Variants in SSRP1 observed in about 807,000 individuals in gnomAD.
The protein encoded by SSRP1 is structure specific recognition protein 1.
A neutral mutation model predicts 84.4 loss-of-function variants in SSRP1; 21 were observed. The observed-to-expected ratio is 0.25, with a 90% CI of 0.18 to 0.36. SSRP1 has a LOEUF of 0.36. Ranked by LOEUF, SSRP1 falls within the 10% of genes least tolerant of loss-of-function variation. The pLI is 1.00. For missense variants in SSRP1, 519 were observed against 900.8 expected (o/e 0.58, Z 5.43); for synonymous variants, 319 against 318.3 (o/e 1.00, Z -0.02).
chr11:57,326,649 G>A, intron 16 of SSRP1, 54 bp downstream of exon 16: 2 of 1,592,936 alleles, frequency 1.3e-6, no homozygotes, highest in Non-Finnish European at 1.7e-6. Context: ...ACCCCACACA[G>A]ACACACATGC....
In SSRP1 at chr11:57,326,467, T is replaced by C. The variant is rs12270967; in HGVS notation, c.2070A>G (p.Glu690=). Residue 690 remains glutamate (E), a synonymous_variant, in exon 17 of 17, where the codon GAA becomes GAG. Coordinates refer to ENST00000278412, the MANE Select transcript of SSRP1 (RefSeq NM_003146.3). The part of the protein sequence containing the change: ...KKRRRSEDSE[E]EELASTPPSS... ...TGGGGGGAGTACTGGCTAGTTCTTC[T>C]TCTTCAGAGTCCTGAAAACCAAAGG... The C allele has an allele frequency of 1.5e-3, 2,459 of 1,614,094 alleles. 40 individuals are homozygous for C. The African/African-American group carries it at 0.028, about 18-fold the overall frequency.
At position 57,335,429 on chromosome 11, in the gene SSRP1, C is replaced by G; in HGVS notation, c.-119-189G>C. On this transcript the variant is annotated intron_variant, in intron 1 of 16. Coordinates refer to ENST00000278412, the MANE Select transcript of SSRP1 (RefSeq NM_003146.3). This position sits in a 1 kb window ranked among gnomAD's most constrained non-coding sequence, Gnocchi z 4.6. Reference sequence around the variant, plus strand: ...TGGGTGGAGAACCGGGCCCGGAATACCGCTGACACCCAACCCGACGCCCGC... The same window carrying G: ...TGGGTGGAGAACCGGGCCCGGAATAGCGCTGACACCCAACCCGACGCCCGC... 1 of 356,870 alleles carries G rather than the reference C, an allele frequency of 2.8e-6. No individual in the cohort carries two copies. The highest frequency in any genetic ancestry group is 2.6e-5 in the South Asian group (1 of 38,282). The allele number at this position is 356,870 out of a possible 1,614,324, so 22.1% of individuals were successfully genotyped here.
chr11:57,326,403 G>C lies in SSRP1; in HGVS notation c.*4C>G, dbSNP rs776165491. The C allele has an allele frequency of 1.9e-6, 3 of 1,614,082 alleles. No homozygotes were observed. The highest frequency in any genetic ancestry group is 1.7e-5 in the Admixed American group (1 of 60,018). On this transcript the variant is annotated 3_prime_UTR_variant, in exon 17 of 17. Coordinates refer to ENST00000278412, the MANE Select transcript of SSRP1 (RefSeq NM_003146.3). ...GCAAGCGCAAAGAGAACCTTCCTCC[G>C]TTTCTACTCATCGGATCCTGACGCT...
At position 57,332,928 on chromosome 11, in the gene SSRP1, C is replaced by G. The variant is rs988715447; in HGVS notation, c.537+31G>C. On this transcript the variant is annotated intron_variant, in intron 5 of 16. Coordinates refer to ENST00000278412, the MANE Select transcript of SSRP1 (RefSeq NM_003146.3). This position sits in a 1 kb window ranked among gnomAD's most constrained non-coding sequence, Gnocchi z 5.5. ...CCAGCCAATGCCTGCTCAGCACCAT[C>G]TGCTGCCAAGGCAACCAGGGGAAGC... The G allele has an allele frequency of 8.1e-6, 13 of 1,598,884 alleles. No individual in the cohort carries two copies. Among genetic ancestry groups the G allele is most frequent in the Non-Finnish European group, 1.1e-5 (13 of 1,170,250 alleles).
In SSRP1 at chr11:57,330,101, C is replaced by G. The variant is rs767055678; in HGVS notation, c.1473G>C (p.Val491=). Residue 491 remains valine, a synonymous_variant, in exon 12 of 17, where the codon GTG becomes GTC. Transcript: ENST00000278412. The surrounding 1 kb of genome is among the most constrained non-coding windows in gnomAD (Gnocchi z 4.0). ...GTACCACCAAAACTCACTCCTCTGC[C>G]ACATCTTCCTCCTCTTCACCTGGGT... ...SFNPGEEEED[V]AEEFDSNASA... 6.2e-7 allele frequency: 1 copy of G among 1,614,202 alleles called. No individual in the cohort carries two copies. Among genetic ancestry groups the G allele is most frequent in the Non-Finnish European group, 8.5e-7 (1 of 1,180,036 alleles).
chr11:57,330,899 C>CA lies in SSRP1; in HGVS notation c.1251dup (p.Val418CysfsTer23). On this transcript the variant is annotated frameshift_variant, in exon 10 of 17. Coordinates refer to ENST00000278412, the MANE Select transcript of SSRP1 (RefSeq NM_003146.3). LOFTEE classifies it high-confidence loss of function. This position sits in a 1 kb window ranked among gnomAD's most constrained non-coding sequence, Gnocchi z 4.0. The stretch of plus-strand genomic sequence containing the variant: ...TTGATGTTGAGCTTTTTCGCGTTGA[C>CA]AAAATCAAACAGTTTCCCGTACTCC... The CA allele has an allele frequency of 6.2e-7, 1 of 1,614,200 alleles. No homozygotes were observed. Among genetic ancestry groups the CA allele is most frequent in the South Asian group, 1.1e-5 (1 of 91,084 alleles).
In SSRP1 at chr11:57,330,491, C is replaced by T. The variant is rs2134388442; in HGVS notation, c.1297-62G>A. The stretch of plus-strand genomic sequence containing the variant: ...CCTCGAGCCAGAATCCCTGCACACT[C>T]AAAAGCACACCCCCATGCCTGTCAA... On this transcript the variant is annotated intron_variant, in intron 10 of 16. Transcript: ENST00000278412. This position sits in a 1 kb window ranked among gnomAD's most constrained non-coding sequence, Gnocchi z 4.0. 6.3e-7 allele frequency: 1 copy of T among 1,598,420 alleles called. No homozygotes were observed. Among genetic ancestry groups the T allele is most frequent in the East Asian group, 2.2e-5 (1 of 44,776 alleles).
rs531475402 is a variant in SSRP1, at chr11:57,330,745, T to C, written c.1296+110A>G. The C allele has an allele frequency of 8.9e-5, 139 of 1,565,368 alleles. No individual in the cohort carries two copies. The East Asian group carries it at 3.1e-3, about 35-fold the overall frequency. ...GGGTCACACGCACCTCTTTTTTCTA[T>C]AAGGGTAAGAAGAGAAGAAAGAGTG... is the stretch of plus-strand genomic sequence containing the variant. On this transcript the variant is annotated intron_variant, in intron 10 of 16. Coordinates refer to ENST00000278412, the MANE Select transcript of SSRP1 (RefSeq NM_003146.3). The surrounding 1 kb of genome is among the most constrained non-coding windows in gnomAD (Gnocchi z 4.0).
chr11:57,330,412 G>T lies in SSRP1; in HGVS notation c.1314C>A (p.Tyr438Ter). The T allele has an allele frequency of 6.2e-7, 1 of 1,613,912 alleles. No homozygotes were observed. Among genetic ancestry groups the T allele is most frequent in the Non-Finnish European group, 8.5e-7 (1 of 1,180,024 alleles). The stretch of plus-strand genomic sequence containing the variant: ...CCTCATCAGAGTCAGCATATTCATC[G>T]TAGCTTGGGTTCATGCCCTAGCCAG... ...RGLKEGMNPS[Y>*]DEYADSDEDQ... is the part of the protein sequence containing the mutation. Residue 438 changes from tyrosine to a stop codon, truncating the protein, a stop_gained, in exon 11 of 17, where the codon TAC becomes TAA. Transcript: ENST00000278412. LOFTEE classifies it high-confidence loss of function. This position sits in a 1 kb window ranked among gnomAD's most constrained non-coding sequence, Gnocchi z 4.0.
chr11:57,331,041 T>C (rs1856079921), intron 9 of SSRP1, 114 bp from the exon 10 acceptor site: 3 of 1,181,578 alleles, frequency 2.5e-6, no homozygotes, highest in African/African-American at 1.5e-5. Flanking sequence ...AGCTCTTGAC[T>C]ATGCTACCCA....
chr11:57,328,478 C>T (rs770905540), intron 12 of SSRP1, 52 bp from the exon 13 acceptor site: 20 of 1,607,712 alleles, frequency 1.2e-5, no homozygotes, highest in African/African-American at 4.0e-5. Context: ...CAGGACCCCA[C>T]GGCCTCAGGA....
chr11:57,332,547 T>G lies in SSRP1; in HGVS notation c.769-61A>C. On this transcript the variant is annotated intron_variant, in intron 6 of 16. Coordinates refer to ENST00000278412, the MANE Select transcript of SSRP1 (RefSeq NM_003146.3). This position sits in a 1 kb window ranked among gnomAD's most constrained non-coding sequence, Gnocchi z 5.5. Reference sequence around the variant, plus strand: ...AACTTGCAATTAACCAACGTAGAATTCTGCACACCAGTGAGATCCATCTAC... The same window carrying G: ...AACTTGCAATTAACCAACGTAGAATGCTGCACACCAGTGAGATCCATCTAC... 1 of 1,606,264 alleles carries G rather than the reference T, an allele frequency of 6.2e-7. No individual in the cohort carries two copies.
rs1426338503 is a variant in SSRP1 at position 57,331,845 on chromosome 11, G to C, written c.1046C>G (p.Ser349Ter). 6.2e-7 allele frequency: 1 copy of C among 1,614,066 alleles called. No homozygotes were observed. Among genetic ancestry groups the C allele is most frequent in the Non-Finnish European group, 8.5e-7 (1 of 1,179,992 alleles). Reference protein sequence around the residue: ...QCITCSYKASSGLLYPLERGF... With the variant: ...QCITCSYKAS ...CCGCTCCAGCGGGTAGAGCAGTCCT[G>C]AGCTTGCCTTGTAGGAACAGGTAAT... The change falls in exon 9 of 17, where the codon TCA (serine) becomes TGA (stop). Residue 349 changes from serine (S) to a stop codon, truncating the protein, a stop_gained. Transcript: ENST00000278412. LOFTEE classifies it high-confidence loss of function.
chr11:57,330,401 G>C lies in SSRP1; in HGVS notation c.1325C>G (p.Ala442Gly), dbSNP rs779838351. 1.2e-6 allele frequency: 2 copies of C among 1,614,084 alleles called. No individual in the cohort carries two copies. Among genetic ancestry groups the C allele is most frequent in the South Asian group, 2.2e-5 (2 of 91,082 alleles). The change falls in exon 11 of 17, where the codon GCT (alanine) becomes GGT (glycine). Residue 442 changes from alanine (A) to glycine (G), a missense_variant. By Grantham distance (60) the Ala-to-Gly change is moderately conservative (BLOSUM62 0). Transcript: ENST00000278412. This position sits in a 1 kb window ranked among gnomAD's most constrained non-coding sequence, Gnocchi z 4.0. Reference sequence around the variant, plus strand: ...ATCATGCTGGTCCTCATCAGAGTCAGCATATTCATCGTAGCTTGGGTTCAT... The same window carrying C: ...ATCATGCTGGTCCTCATCAGAGTCACCATATTCATCGTAGCTTGGGTTCAT... ...EGMNPSYDEY[A>G]DSDEDQHDAY...
Position 57,335,303 on chromosome 11 carries a change from G to T in SSRP1, c.-119-63C>A. ...GCACCTCGCTGTGCTCACGGATGGAGCCAGGTAGCAACTCCCAGCTGCGCC... is the reference window on the plus strand; with the variant it reads ...GCACCTCGCTGTGCTCACGGATGGATCCAGGTAGCAACTCCCAGCTGCGCC... On this transcript the variant is annotated intron_variant, in intron 1 of 16. Transcript: ENST00000278412. The surrounding 1 kb of genome is among the most constrained non-coding windows in gnomAD (Gnocchi z 4.6). 7 of 641,486 alleles carry T rather than the reference G, an allele frequency of 1.1e-5. No homozygotes were observed. The highest frequency in any genetic ancestry group is 2.4e-5 in the Admixed American group (1 of 41,590). 39.7% of individuals were successfully genotyped at this position (641,486 alleles called of 1,614,324 possible). A position where few individuals can be genotyped will look rare whatever the true frequency, so the allele number is the denominator to read the frequency against.
Position 57,335,827 on chromosome 11 carries a change from G to A in SSRP1, c.-217C>T, listed in dbSNP as rs997718207. Reference sequence around the variant, plus strand: ...GGGGAGGGGGATGGGGGGACACCGGGGAAGCTTTTCCCGCGTGCGCGGCCC... The same window carrying A: ...GGGGAGGGGGATGGGGGGACACCGGAGAAGCTTTTCCCGCGTGCGCGGCCC... On this transcript the variant is annotated 5_prime_UTR_variant, in exon 1 of 17. Transcript: ENST00000278412. The surrounding 1 kb of genome is among the most constrained non-coding windows in gnomAD (Gnocchi z 4.6). 2 of 152,348 alleles carry A rather than the reference G, an allele frequency of 1.3e-5. No individual in the cohort carries two copies. Among genetic ancestry groups the A allele is most frequent in the Admixed American group, 6.5e-5 (1 of 15,298 alleles). The allele number at this position is 152,348 out of a possible 1,614,324, so 9.4% of individuals were successfully genotyped here. A position where few individuals can be genotyped will look rare whatever the true frequency, so the allele number is the denominator to read the frequency against.
In SSRP1 at chr11:57,330,001, A is replaced by G; in HGVS notation, c.1481+92T>C. 3.3e-6 allele frequency: 5 copies of G among 1,500,664 alleles called. No homozygotes were observed. Among genetic ancestry groups the G allele is most frequent in the African/African-American group, 1.4e-5 (1 of 72,688 alleles). 93.0% of individuals were successfully genotyped at this position (1,500,664 alleles called of 1,614,324 possible). The stretch of plus-strand genomic sequence containing the variant: ...ACTCTCCCATTCTGGGTCAGTAGCT[A>G]ATGCTGGGACCTGAGAAATGTCCAG... On this transcript the variant is annotated intron_variant, in intron 12 of 16. Coordinates refer to ENST00000278412, the MANE Select transcript of SSRP1 (RefSeq NM_003146.3). This position sits in a 1 kb window ranked among gnomAD's most constrained non-coding sequence, Gnocchi z 4.0.
chr11:57,326,024 C>A lies in SSRP1; in HGVS notation c.*383G>T, dbSNP rs199579925. 2 of 209,888 alleles carry A rather than the reference C, an allele frequency of 9.5e-6. No individual in the cohort carries two copies. Among genetic ancestry groups the A allele is most frequent in the East Asian group, 2.2e-4 (2 of 8,974 alleles). The allele number at this position is 209,888 out of a possible 1,614,324, so 13.0% of individuals were successfully genotyped here. On this transcript the variant is annotated 3_prime_UTR_variant, in exon 17 of 17. Transcript: ENST00000278412. ...AGTTCCCTTTATTAAATCATTTTCA[C>A]AGACCAGAAATACAAAATGAAAGTA...
In SSRP1 at chr11:57,332,920, A is replaced by G. The variant is rs199504988; in HGVS notation, c.537+39T>C. The stretch of plus-strand genomic sequence containing the variant: ...CTCCCAGGCCAGCCAATGCCTGCTC[A>G]GCACCATCTGCTGCCAAGGCAACCA... On this transcript the variant is annotated intron_variant, in intron 5 of 16. Coordinates refer to ENST00000278412, the MANE Select transcript of SSRP1 (RefSeq NM_003146.3). This position sits in a 1 kb window ranked among gnomAD's most constrained non-coding sequence, Gnocchi z 5.5. 2 of 1,598,796 alleles carry G rather than the reference A, an allele frequency of 1.3e-6. No homozygotes were observed. The highest frequency in any genetic ancestry group is 1.7e-6 in the Non-Finnish European group (2 of 1,170,254).
Sources: allele counts gnomAD v4.1 joint callset, GRCh38; gene constraint gnomAD v4.1.1; non-coding constraint Gnocchi (gnomAD v3.1); transcripts MANE v1.5; gene names NCBI Gene and HGNC (gene_info 2026-07-23, HGNC 2026-07-21).